Variants in AHRR observed in about 807,000 individuals in gnomAD.
AHRR encodes ahR repressor.
In AHRR, 28 loss-of-function variants were observed where a neutral mutation model predicts 44.0. The ratio of observed to expected loss-of-function variants is 0.64; its 90% CI spans 0.47 to 0.87. The LOEUF is 0.87. AHRR is among the 40% of genes least tolerant of loss of function. AHRR has a pLI of 0.00. For missense variants in AHRR, 990 were observed against 953.9 expected, an observed-to-expected ratio of 1.04 and a Z score of -0.50; for synonymous variants, 434 against 407.0, an observed-to-expected ratio of 1.07 and a Z score of -0.80.
At chr5:324,070 T>C (rs1741615636) in intron 1 of AHRR, among the ~76,000 whole-genome samples, 1 of 149,128 alleles carries the variant, frequency 6.7e-6, no homozygotes, top group Admixed American at 6.6e-5. Context: ...TTTCTTTCCT[T>C]TTCTTTCGAG....
At chr5:360,338 G>A (rs1743133630) in intron 3 of AHRR, among the ~76,000 whole-genome samples, 1 of 152,232 alleles carries the variant, frequency 6.6e-6, no homozygotes, top group Non-Finnish European at 1.5e-5. Flanking sequence ...CAGAAATGTG[G>A]GAAAGCCCAT....
chr5:421,249 C>G (rs1736099342), intron 5 of AHRR: 12 of 696,432 alleles, frequency 1.7e-5, no homozygotes, highest in South Asian at 1.6e-4. Flanking sequence ...GCGGTTCAGC[C>G]ACGGAGCGGA....
chr5:399,811 C>G (rs145725606), intron 4 of AHRR, among the ~76,000 whole-genome samples: 17 of 152,370 alleles, frequency 1.1e-4, no homozygotes, highest in African/African-American at 4.1e-4. Context: ...GGGCTTCAGT[C>G]AGCCTCCCAC....
At chr5:332,280 T>C (rs2126331295) in intron 1 of AHRR, among the ~76,000 whole-genome samples, 1 of 150,224 alleles carries the variant, frequency 6.7e-6, no homozygotes, top group Non-Finnish European at 1.5e-5. Context: ...TTTTTTTTTT[T>C]TTTTTAAGGC....
intron 1 of AHRR, among the ~76,000 whole-genome samples, chr5:333,829 T>C (rs1024376317): frequency 1.3e-5 from 2 of 152,188 alleles, no homozygotes; most frequent in Admixed American, 6.5e-5. Flanking sequence ...GTTTTATATA[T>C]ACTTTTGTGT....
intron 7 of AHRR, among the ~76,000 whole-genome samples, chr5:424,572 C>T (rs1294310966): frequency 6.6e-6 from 1 of 151,700 alleles, no homozygotes; most frequent in Non-Finnish European, 1.5e-5. Flanking sequence ...CTGTGGTGGA[C>T]AAGCCAGGTC....
At chr5:429,834 C>T (rs1560924705) in intron 8 of AHRR, among the ~76,000 whole-genome samples, 1 of 152,252 alleles carries the variant, frequency 6.6e-6, no homozygotes, top group Non-Finnish European at 1.5e-5. Flanking sequence ...TTGCTGGGTT[C>T]AGACAGAACC....
intron 3 of AHRR, among the ~76,000 whole-genome samples, chr5:367,087 C>T (rs1045350995): frequency 2.0e-5 from 3 of 152,238 alleles, no homozygotes; most frequent in Non-Finnish European, 4.4e-5. Flanking sequence ...AGTTTGATAT[C>T]ATCTCAAAGC....
At chr5:408,825 T>TG (rs1735368198) in intron 4 of AHRR, among the ~76,000 whole-genome samples, 1 of 152,218 alleles carries the variant, frequency 6.6e-6, no homozygotes, top group South Asian at 2.1e-4. Context: ...TGCATTTTTG[T>TG]GGGGTAATTC....
chr5:344,154 C>T (rs1414321301), intron 2 of AHRR, among the ~76,000 whole-genome samples, 190 bp downstream of exon 2: 2 of 151,260 alleles, frequency 1.3e-5, no homozygotes, highest in Admixed American at 6.6e-5. Flanking sequence ...GTGCCCGGAG[C>T]CCCCGGCGAG....
At chr5:335,567 G>A (rs1444741728) in intron 1 of AHRR, among the ~76,000 whole-genome samples, 1 of 152,114 alleles carries the variant, frequency 6.6e-6, no homozygotes. Context: ...CTAGCCCCCT[G>A]AGTGCATGCA....
intron 9 of AHRR, 49 bp downstream of exon 9, chr5:432,573 T>C: frequency 1.9e-6 from 3 of 1,594,852 alleles, no homozygotes; most frequent in Non-Finnish European, 1.7e-6. Context: ...GTAAAATGTG[T>C]TTCTGCCCTT....
chr5:400,617 C>T (rs1012216312), intron 4 of AHRR, among the ~76,000 whole-genome samples: 6 of 151,950 alleles, frequency 3.9e-5, no homozygotes, highest in Non-Finnish European at 4.4e-5. Context: ...AACAAACAGA[C>T]GTTCGAGATG....
chr5:365,842 A>G (rs1743342749), intron 3 of AHRR, among the ~76,000 whole-genome samples: 1 of 152,244 alleles, frequency 6.6e-6, no homozygotes, highest in Admixed American at 6.5e-5. Context: ...TCGTAGGACC[A>G]TTAAAGAAAT....
intron 4 of AHRR, among the ~76,000 whole-genome samples, chr5:410,406 C>T (rs1475198633): frequency 2.0e-5 from 3 of 152,032 alleles, no homozygotes; most frequent in African/African-American, 7.2e-5. Flanking sequence ...GAGACGGGGT[C>T]TCACTATGCT....
intron 1 of AHRR, among the ~76,000 whole-genome samples, chr5:343,293 GTGAACACAGAACCCCACA>G (rs1560883019): frequency 3.8e-5 from 5 of 132,102 alleles, no homozygotes; most frequent in African/African-American, 1.0e-4. Context: ...TCGGGGTGAC[GTGAACACAGAACCCCACA>G]TACCCTCTCA....
rs1735261127 is a variant in AHRR at position 406,350 on chromosome 5, C to T, written c.352-6994C>T. Among the ~76,000 whole-genome samples, 1 of 152,236 alleles carries T rather than the reference C, an allele frequency of 6.6e-6. No homozygotes were observed. The highest frequency in any genetic ancestry group is 6.5e-5 in the Admixed American group (1 of 15,288). ...GGCCCCACGTCAGGAGAAAGAGTCCCCAATCCCCAGCCCCTACCTCATAGG... is the reference window on the plus strand; with the variant it reads ...GGCCCCACGTCAGGAGAAAGAGTCCTCAATCCCCAGCCCCTACCTCATAGG... On this transcript the variant is annotated intron_variant, in intron 4 of 10. Transcript: ENST00000684583. The surrounding 1 kb of genome is among the most constrained non-coding windows in gnomAD (Gnocchi z 4.7).
chr5:427,016 A>C (rs1172408863), intron 7 of AHRR, among the ~76,000 whole-genome samples: 2 of 144,102 alleles, frequency 1.4e-5, no homozygotes, highest in African/African-American at 2.6e-5. Flanking sequence ...GGGTGGGTGG[A>C]TGGATGGATG....
At chr5:366,066 C>G (rs529335246) in intron 3 of AHRR, among the ~76,000 whole-genome samples, 65 of 151,978 alleles carry the variant, frequency 4.3e-4, no homozygotes, top group Middle Eastern at 3.4e-3. Flanking sequence ...CTTCCCCCCC[C>G]ACCCCCTGCC....
Sources: gnomAD v4.1 joint callset for allele counts (sites outside exome capture counted in the v4.1 genomes callset) on GRCh38, gnomAD v4.1.1 for gene constraint, Gnocchi (gnomAD v3.1) non-coding constraint, MANE v1.5 for transcripts, NCBI Gene and HGNC (gene_info 2026-07-23, HGNC 2026-07-21) for gene names.